AGT: variants seen among roughly 807,000 people sequenced by gnomAD.
AGT encodes angiotensinogen.
Under a neutral mutation model 28.1 loss-of-function variants are expected in AGT, and 26 were observed. The observed-to-expected ratio is 0.92, with a 90% confidence interval of 0.68 to 1.28. AGT has a LOEUF of 1.28. Ranked by LOEUF, AGT falls within the 50% of genes most tolerant of loss-of-function variation. The probability of loss-of-function intolerance (pLI) is 0.00; values close to 1 mark genes in which losing one functional copy is unlikely to be tolerated. For missense variants in AGT, 596 were observed against 592.3 expected, an observed-to-expected ratio of 1.01 and a Z score of -0.06; for synonymous variants, 259 against 259.6, an observed-to-expected ratio of 1.00 and a Z score of 0.02.
intron 1 of AGT, among the ~76,000 whole-genome samples, chr1:230,723,847 A>G (rs1355518629): frequency 6.6e-6 from 1 of 152,212 alleles, no homozygotes; most frequent in Non-Finnish European, 1.5e-5. Flanking sequence ...GCCTGGTGAT[A>G]TATGCATTGT....
rs768591947 is a variant in AGT at position 230,710,197 on chromosome 1, G to A, written c.627C>T (p.His209=). 6.2e-7 allele frequency: 1 copy of A among 1,613,724 alleles called. No individual in the cohort carries two copies. Among genetic ancestry groups the A allele is most frequent in the Non-Finnish European group, 8.5e-7 (1 of 1,179,976 alleles). The change falls in exon 2 of 5, where the codon CAC becomes CAT. Residue 209 remains histidine (H), a synonymous_variant. Transcript: ENST00000366667. ...VVGVFTAPGL[H]LKQPFVQGLA... ...GGCCCTGCACAAACGGCTGCTTCAG[G>A]TGCAGGCCTGGGGCTGTGAACACGC...
chr1:230,730,473 C>T (rs10864775), intron 1 of AGT, among the ~76,000 whole-genome samples: 46,799 of 151,862 alleles, frequency 0.31, 8,400 homozygotes, highest in East Asian at 0.67. Flanking sequence ...GAATAAAGTC[C>T]GCACTGCTTG....
chr1:230,732,155 GTTGTTTGTTTGTTTAT>G (rs1207199876), intron 1 of AGT, among the ~76,000 whole-genome samples: 5 of 151,982 alleles, frequency 3.3e-5, no homozygotes, highest in Admixed American at 6.6e-5. Context: ...ATTATTTTTT[GTTGTTTGTTTGTTTAT>G]TTGTTTGTTT....
chr1:230,713,747 C>T (rs1312850147), intron 1 of AGT, among the ~76,000 whole-genome samples: 1 of 152,172 alleles, frequency 6.6e-6, no homozygotes, highest in Non-Finnish European at 1.5e-5. Context: ...ACAAGCCCTG[C>T]TATTCCTCCT....
intron 1 of AGT, among the ~76,000 whole-genome samples, 184 bp downstream of exon 1, chr1:230,713,902 C>T (rs1663665215): frequency 6.6e-6 from 1 of 152,156 alleles, no homozygotes; most frequent in Non-Finnish European, 1.5e-5. Context: ...AGCAGCTCCT[C>T]CTGTAAGACC....
At chr1:230,735,346 G>T (rs538645909) in intron 1 of AGT, among the ~76,000 whole-genome samples, 27 of 152,208 alleles carry the variant, frequency 1.8e-4, no homozygotes, top group African/African-American at 5.8e-4. Context: ...CCAAAGTGTC[G>T]TTAGTTACCT....
intron 1 of AGT, among the ~76,000 whole-genome samples, chr1:230,726,130 A>C (rs188010394): frequency 2.0e-5 from 3 of 152,334 alleles, no homozygotes; most frequent in Non-Finnish European, 2.9e-5. Context: ...CTTTGAATGG[A>C]TCCCTGGATC....
upstream of AGT, among the ~76,000 whole-genome samples, chr1:230,717,045 C>A (rs1558290620): frequency 6.9e-6 from 1 of 145,840 alleles, no homozygotes; most frequent in Non-Finnish European, 1.5e-5. Flanking sequence ...TTTGCCCCAG[C>A]CACTTTGACA....
intron 1 of AGT, among the ~76,000 whole-genome samples, chr1:230,721,666 G>A (rs1663845812): frequency 2.0e-5 from 3 of 152,224 alleles, no homozygotes; most frequent in Admixed American, 1.3e-4. Flanking sequence ...TCAGTCTGAA[G>A]TGGTCTCAGA....
intron 2 of AGT, 103 bp from the exon 3 acceptor site, chr1:230,706,303 C>T: frequency 7.4e-7 from 1 of 1,353,724 alleles, no homozygotes. Context: ...CTCGCCCTGC[C>T]TCAGCCTCCT....
At chr1:230,713,073 C>T (rs1363942041) in intron 1 of AGT, among the ~76,000 whole-genome samples, 2 of 152,192 alleles carry the variant, frequency 1.3e-5, no homozygotes, top group African/African-American at 4.8e-5. Flanking sequence ...TTTCACCCTG[C>T]AGCTTTCCCC....
At chr1:230,715,525 C>T (rs950549396), upstream of AGT, among the ~76,000 whole-genome samples, 5 of 152,148 alleles carry the variant, frequency 3.3e-5, no homozygotes, top group South Asian at 2.1e-4. Flanking sequence ...AATAAATAGA[C>T]AATTTTAATT....
chr1:230,742,815 G>A (rs2493151), intron 1 of AGT, among the ~76,000 whole-genome samples: 57,304 of 152,058 alleles, frequency 0.38, 13,544 homozygotes, highest in African/African-American at 0.66. Flanking sequence ...CATGAAATGA[G>A]CAAGCTGGTA....
chr1:230,741,681 C>T (rs1316482710), intron 1 of AGT, among the ~76,000 whole-genome samples: 1 of 152,184 alleles, frequency 6.6e-6, no homozygotes, highest in Admixed American at 6.5e-5. Flanking sequence ...GTCAGGCTTA[C>T]CAATGACCTT....
chr1:230,709,678 C>T (rs370249585), intron 2 of AGT, among the ~76,000 whole-genome samples: 3 of 152,288 alleles, frequency 2.0e-5, no homozygotes, highest in African/African-American at 7.2e-5. Flanking sequence ...TTGAGCAAGG[C>T]ACTTTGTTTC....
At position 230,712,956 on chromosome 1, in the gene AGT, C is replaced by T. The variant is rs2004776; in HGVS notation, c.-31+1130G>A. 0.32 allele frequency among the ~76,000 whole-genome samples: 48,993 copies of T among 151,948 alleles called. 9,007 individuals are homozygous for T. The highest frequency in any genetic ancestry group is 0.58 in the East Asian group (2,982 of 5,122). ...GGCTGAATGCTAAAGGTGAAGATGACGGCTCATGCTCCTGTGGTGCCTGCC... is the reference window on the plus strand; with the variant it reads ...GGCTGAATGCTAAAGGTGAAGATGATGGCTCATGCTCCTGTGGTGCCTGCC... On this transcript the variant is annotated intron_variant, in intron 1 of 4. Transcript: ENST00000366667.
intron 1 of AGT, among the ~76,000 whole-genome samples, chr1:230,724,508 C>T (rs578180847): frequency 1.2e-4 from 18 of 152,240 alleles, no homozygotes; most frequent in South Asian, 1.0e-3. Context: ...GTCACTTTTT[C>T]ACCAATCGAA....
chr1:230,741,757 G>A (rs559757946), intron 1 of AGT, among the ~76,000 whole-genome samples: 1 of 152,304 alleles, frequency 6.6e-6, no homozygotes, highest in African/African-American at 2.4e-5. Flanking sequence ...AGGAAATGGG[G>A]GTGGCCCTCA....
Position 230,710,221 on chromosome 1 carries a change from G to C in AGT, c.603C>G (p.Gly201=), listed in dbSNP as rs537300845. The C allele has an allele frequency of 6.2e-7, 1 of 1,613,606 alleles. No homozygotes were observed. Among genetic ancestry groups the C allele is most frequent in the Admixed American group, 1.7e-5 (1 of 60,028 alleles). The change falls in exon 2 of 5, where the codon GGC becomes GGG. Residue 201 remains glycine (G), a synonymous_variant. Transcript: ENST00000366667. ...GGTGCAGGCCTGGGGCTGTGAACAC[G>C]CCCACCACCGTGGACAGCAGCAGCT... The part of the protein sequence containing the change: ...QAQLLLSTVV[G]VFTAPGLHLK...
Sources: allele counts gnomAD v4.1 joint callset (sites outside exome capture counted in the v4.1 genomes callset), GRCh38; gene constraint gnomAD v4.1.1; transcripts MANE v1.5; gene names NCBI Gene and HGNC (gene_info 2026-07-23, HGNC 2026-07-21).